MMS19: variants seen among roughly 807,000 people sequenced by gnomAD.
The protein encoded by MMS19 is MMS19 nucleotide excision repair protein homolog.
In MMS19, 77 loss-of-function variants were observed where a neutral mutation model predicts 129.8. That is an observed-to-expected ratio of 0.59 (90% CI 0.49 to 0.72). The LOEUF (loss-of-function observed/expected upper bound fraction) is 0.72, where lower values mean the gene tolerates loss of function less well. MMS19 is among the 30% of genes least tolerant of loss of function. The pLI is 0.00. For missense variants in MMS19, 1,168 were observed against 1,266.3 expected, an observed-to-expected ratio of 0.92 and a Z score of 1.18; for synonymous variants, 491 against 502.8, an observed-to-expected ratio of 0.98 and a Z score of 0.31.
intron 8 of MMS19, among the ~76,000 whole-genome samples, chr10:97,471,136 C>G (rs892297793): frequency 5.9e-5 from 9 of 152,130 alleles, no homozygotes; most frequent in African/African-American, 2.2e-4. Context: ...CCTTTCTTCG[C>G]TGATATATAT....
rs776604596 is a variant in MMS19 at position 97,498,420 on chromosome 10, G to T, written c.-36C>A. On this transcript the variant is annotated 5_prime_UTR_variant, in exon 1 of 31. Transcript: ENST00000438925. ...AGAGACCGTGGGAGGGGATATGGGCGGTGGCTCGAGACGGGCTCTCCGCGC... is the reference window on the plus strand; with the variant it reads ...AGAGACCGTGGGAGGGGATATGGGCTGTGGCTCGAGACGGGCTCTCCGCGC... The T allele has an allele frequency of 1.3e-6, 2 of 1,567,820 alleles. No homozygotes were observed. The highest frequency in any genetic ancestry group is 8.6e-7 in the Non-Finnish European group (1 of 1,165,556).
At position 97,460,957 on chromosome 10, in the gene MMS19, C is replaced by T. The variant is rs1171011157; in HGVS notation, c.2362G>A (p.Gly788Ser). 1.3e-6 allele frequency: 2 copies of T among 1,577,816 alleles called. No individual in the cohort carries two copies. Among genetic ancestry groups the T allele is most frequent in the Admixed American group, 3.7e-5 (2 of 54,402 alleles). ...CTACGACAGGGCCCAGAGCCCAGGC[C>T]AGCCTCCACTTTGTCCACAGCTAGC... ...LQLAVDKVEAGLGSGPCRSQA... is the reference protein window; with the variant it reads ...LQLAVDKVEASLGSGPCRSQA... Residue 788 changes from glycine to serine, a missense_variant, in exon 24 of 31, where the codon GGC becomes AGC. By Grantham distance (56) the Gly-to-Ser change is moderately conservative (BLOSUM62 0). Transcript: ENST00000438925.
Position 97,459,734 on chromosome 10 carries a change from C to T in MMS19, c.2664G>A (p.Lys888=). Residue 888 remains lysine, a synonymous_variant, in exon 27 of 31, where the codon AAG becomes AAA. Coordinates refer to ENST00000438925, the MANE Select transcript of MMS19 (RefSeq NM_022362.5). ...GAGAAAGACCCTTCAAGTAGTTTGG[C>T]TTCACATCTGTAAAAAATGGAAAGG... ...QGFHAAPQDV[K]PNYLKGLSHV... The T allele has an allele frequency of 6.2e-7, 1 of 1,610,104 alleles. No individual in the cohort carries two copies. Among genetic ancestry groups the T allele is most frequent in the South Asian group, 1.1e-5 (1 of 90,170 alleles).
intron 1 of MMS19, among the ~76,000 whole-genome samples, chr10:97,489,823 T>C (rs1484780852): frequency 6.6e-6 from 1 of 152,230 alleles, no homozygotes; most frequent in South Asian, 2.1e-4. Context: ...ACTGGGGTTA[T>C]GGGTTTTAAA....
chr10:97,496,933 T>A (rs1451617617), intron 1 of MMS19, among the ~76,000 whole-genome samples: 1 of 152,242 alleles, frequency 6.6e-6, no homozygotes, highest in African/African-American at 2.4e-5. Flanking sequence ...GGATAGATCC[T>A]AAGTGATGTG....
intron 2 of MMS19, among the ~76,000 whole-genome samples, chr10:97,483,288 A>T (rs972077524): frequency 1.3e-5 from 2 of 152,082 alleles, no homozygotes; most frequent in African/African-American, 4.8e-5. Context: ...TCCTGAGCTC[A>T]GGCAATCCAC....
intron 13 of MMS19, 41 bp from the exon 14 acceptor site, chr10:97,467,624 A>T: frequency 6.3e-7 from 1 of 1,579,594 alleles, no homozygotes; most frequent in African/African-American, 1.3e-5. Context: ...AGAATATTTT[A>T]AAGGATTTCA....
intron 1 of MMS19, among the ~76,000 whole-genome samples, chr10:97,496,481 C>CA (rs1322392079): frequency 6.8e-6 from 1 of 146,728 alleles, no homozygotes; most frequent in Non-Finnish European, 1.5e-5. Flanking sequence ...CACTGCACTC[C>CA]AGCCTGGCAG....
intron 8 of MMS19, among the ~76,000 whole-genome samples, chr10:97,473,438 A>G (rs1379954680): frequency 1.3e-5 from 2 of 152,038 alleles, no homozygotes; most frequent in Admixed American, 6.6e-5. Flanking sequence ...ACTTCTTCAT[A>G]CATTCTCTCA....
Position 97,498,404 on chromosome 10 carries a change from G to C in MMS19, c.-20C>G. 6.3e-7 allele frequency: 1 copy of C among 1,577,680 alleles called. No individual in the cohort carries two copies. Among genetic ancestry groups the C allele is most frequent in the Non-Finnish European group, 8.5e-7 (1 of 1,170,074 alleles). Reference sequence around the variant, plus strand: ...GGCCATAACGCGAACTAGAGACCGTGGGAGGGGATATGGGCGGTGGCTCGA... The same window carrying C: ...GGCCATAACGCGAACTAGAGACCGTCGGAGGGGATATGGGCGGTGGCTCGA... On this transcript the variant is annotated 5_prime_UTR_variant, in exon 1 of 31. Coordinates refer to ENST00000438925, the MANE Select transcript of MMS19 (RefSeq NM_022362.5).
At chr10:97,478,087 C>T (rs969620209) in intron 4 of MMS19, among the ~76,000 whole-genome samples, 158 bp from the exon 5 acceptor site, 1 of 152,222 alleles carries the variant, frequency 6.6e-6, no homozygotes, top group Non-Finnish European at 1.5e-5. Flanking sequence ...CTGATGAGTT[C>T]TCTGCAGCTC....
At chr10:97,490,479 A>G (rs1462748309) in intron 1 of MMS19, among the ~76,000 whole-genome samples, 1 of 152,208 alleles carries the variant, frequency 6.6e-6, no homozygotes, top group African/African-American at 2.4e-5. Flanking sequence ...AAGGCTAACA[A>G]TCTTCATAAG....
rs138933299 is a variant in MMS19, at chr10:97,477,912, C to A, written c.366G>T (p.Leu122=). The change falls in exon 5 of 31, where the codon CTG becomes CTT. Residue 122 remains leucine (L), a synonymous_variant. Transcript: ENST00000438925. ...GCACAGAAACAGCCAGCCCTGGGGG[C>A]AGGGCCACACACAGGCTCTGGGGGA... ...GLKALSLCVA[L]PPGLAVSVLK... is the part of the protein sequence containing the mutation. 1.2e-6 allele frequency: 2 copies of A among 1,605,734 alleles called. No homozygotes were observed. Among genetic ancestry groups the A allele is most frequent in the Admixed American group, 3.5e-5 (2 of 57,956 alleles).
At chr10:97,493,686 GATTA>G (rs1483741484) in intron 1 of MMS19, among the ~76,000 whole-genome samples, 2 of 151,230 alleles carry the variant, frequency 1.3e-5, no homozygotes, top group African/African-American at 4.8e-5. Flanking sequence ...AACTTTAAGT[GATTA>G]ATTCTTTTAA....
chr10:97,466,091 A>T lies in MMS19; in HGVS notation c.1574T>A (p.Leu525His). 6.2e-7 allele frequency: 1 copy of T among 1,610,610 alleles called. No individual in the cohort carries two copies. The highest frequency in any genetic ancestry group is 8.5e-7 in the Non-Finnish European group (1 of 1,178,214). ...CAGCTCCTCAGCGAGCTTGGGTACGAGGTGGCTGCTGAAGGCCACAGGGTA... is the reference window on the plus strand; with the variant it reads ...CAGCTCCTCAGCGAGCTTGGGTACGTGGTGGCTGCTGAAGGCCACAGGGTA... ...ALYPVAFSSH[L>H]VPKLAEELRV... Residue 525 changes from leucine to histidine, a missense_variant, in exon 17 of 31, where the codon CTC becomes CAC. By Grantham distance (99) the Leu-to-His change is moderately conservative. This residue lies in a region of MMS19 where 831 missense variants were observed against 910.8 expected (regional missense o/e 0.91). Coordinates refer to ENST00000438925, the MANE Select transcript of MMS19 (RefSeq NM_022362.5).
chr10:97,468,267 G>C lies in MMS19; in HGVS notation c.1203C>G (p.Phe401Leu), dbSNP rs764658739. 7.5e-6 allele frequency: 12 copies of C among 1,590,492 alleles called. No individual in the cohort carries two copies. The highest frequency in any genetic ancestry group is 1.0e-5 in the Non-Finnish European group (12 of 1,164,316). Residue 401 changes from phenylalanine (F) to leucine (L), a missense_variant, in exon 13 of 31, where the codon TTC becomes TTG. Around this residue, in one of 3 missense-constraint regions of MMS19, gnomAD observed 831 missense variants for 910.8 expected, o/e 0.91. Transcript: ENST00000438925. Reference protein sequence around the residue: ...SNVLPLLLEQFHKHSQSSQRR... With the variant: ...SNVLPLLLEQLHKHSQSSQRR... ...GCTCCCTTACCTGACTGTGCTTGTG[G>C]AACTGTTCCAGCAGTAAAGGCAGTA... is the stretch of plus-strand genomic sequence containing the variant.
intron 2 of MMS19, among the ~76,000 whole-genome samples, 174 bp from the exon 3 acceptor site, chr10:97,481,216 G>A (rs1169416669): frequency 6.6e-6 from 1 of 152,192 alleles, no homozygotes; most frequent in Non-Finnish European, 1.5e-5. Context: ...ACAGATACCA[G>A]TAAGGACAGA....
chr10:97,469,194 G>A, intron 11 of MMS19, 90 bp from the exon 12 acceptor site: 1 of 1,446,268 alleles, frequency 6.9e-7, no homozygotes, highest in South Asian at 1.3e-5. Flanking sequence ...TTGGAGAGGG[G>A]AGTGAGAACC....
rs1213441546 is a variant in MMS19 at position 97,470,648 on chromosome 10, C to CAAGACACTTGCAGGGTGTCATGCCCTAA, written c.771+99_771+126dup. 3 of 615,080 alleles carry CAAGACACTTGCAGGGTGTCATGCCCTAA rather than the reference C, an allele frequency of 4.9e-6. No individual in the cohort carries two copies. The African/African-American group carries it at 5.6e-5, about 11-fold the overall frequency. 38.1% of individuals were successfully genotyped at this position (615,080 alleles called of 1,614,324 possible). A position where few individuals can be genotyped will look rare whatever the true frequency, so the allele number is the denominator to read the frequency against. On this transcript the variant is annotated intron_variant, in intron 9 of 30. Coordinates refer to ENST00000438925, the MANE Select transcript of MMS19 (RefSeq NM_022362.5). ...CGAAGGTCTGAAGATACCTGCCACACAAGACACTTGCAGGGTGTCATGCCC... is the reference window on the plus strand; with the variant it reads ...CGAAGGTCTGAAGATACCTGCCACACAAGACACTTGCAGGGTGTCATGCCCTAAAAGACACTTGCAGGGTGTCATGCCC...
Sources: gnomAD v4.1 joint callset for allele counts (sites outside exome capture counted in the v4.1 genomes callset) on GRCh38, gnomAD v4.1.1 for gene constraint, gnomAD v4.1.1 regional missense constraint, MANE v1.5 for transcripts, NCBI Gene and HGNC (gene_info 2026-07-23, HGNC 2026-07-21) for gene names.